SNX29: variants seen among roughly 807,000 people sequenced by gnomAD.
The protein encoded by SNX29 is sorting nexin-29.
Under a neutral mutation model 102.1 loss-of-function variants are expected in SNX29, and 78 were observed. The ratio of observed to expected loss-of-function variants is 0.76; its 90% confidence interval spans 0.64 to 0.92. The LOEUF is 0.92. SNX29 is among the 40% of genes least tolerant of loss of function. The pLI is 0.00. For synonymous variants in SNX29, 580 were observed against 414.5 expected, an observed-to-expected ratio of 1.40 and a Z score of -4.85; for missense variants, 1,280 against 1,061.7, an observed-to-expected ratio of 1.21 and a Z score of -2.86.
intron 18 of SNX29, among the ~76,000 whole-genome samples, chr16:12,438,887 C>T (rs1391405126): frequency 6.6e-6 from 1 of 152,184 alleles, no homozygotes; most frequent in African/African-American, 2.4e-5. Context: ...GTTGGAAGAA[C>T]TGGAAGATCT....
intron 3 of SNX29, among the ~76,000 whole-genome samples, chr16:12,024,686 G>C (rs1414062436): frequency 6.6e-6 from 1 of 152,176 alleles, no homozygotes; most frequent in Non-Finnish European, 1.5e-5. Flanking sequence ...TGTGCAGTTC[G>C]CCTGCATTCC....
intron 19 of SNX29, among the ~76,000 whole-genome samples, chr16:12,514,201 A>G (rs1204744839): frequency 1.3e-5 from 2 of 152,144 alleles, no homozygotes; most frequent in African/African-American, 4.8e-5. Flanking sequence ...GAAGACTCAG[A>G]GCTGTTTTCA....
intron 18 of SNX29, among the ~76,000 whole-genome samples, chr16:12,454,890 C>T (rs1397191096): frequency 6.6e-6 from 1 of 152,010 alleles, no homozygotes. Flanking sequence ...GGACTATAGG[C>T]ATGCACCACC....
chr16:12,325,062 A>G (rs899533003), intron 15 of SNX29, among the ~76,000 whole-genome samples: 1 of 152,162 alleles, frequency 6.6e-6, no homozygotes, highest in African/African-American at 2.4e-5. Flanking sequence ...ACAGAAAACA[A>G]TGTAACTGCC....
chr16:12,391,764 G>A (rs2083538477), intron 16 of SNX29, among the ~76,000 whole-genome samples: 1 of 152,110 alleles, frequency 6.6e-6, no homozygotes, highest in African/African-American at 2.4e-5. Flanking sequence ...GCCCCAGAAT[G>A]TCCCTTCATG....
At chr16:12,439,658 C>T (rs1353801401) in intron 18 of SNX29, among the ~76,000 whole-genome samples, 2 of 152,110 alleles carry the variant, frequency 1.3e-5, no homozygotes, top group East Asian at 1.9e-4. Flanking sequence ...CCACTGGGTC[C>T]CTCCCACAAC....
intron 20 of SNX29, among the ~76,000 whole-genome samples, chr16:12,555,340 A>C (rs78492402): frequency 0.012 from 1,833 of 151,906 alleles, 54 homozygotes; most frequent in South Asian, 0.11. Flanking sequence ...GGCACCTGAG[A>C]AACATGTTGG....
chr16:12,172,867 C>T (rs532034333), intron 13 of SNX29, among the ~76,000 whole-genome samples: 1 of 152,224 alleles, frequency 6.6e-6, no homozygotes, highest in East Asian at 1.9e-4. Flanking sequence ...GAAATACTTT[C>T]AGCTTTGTGG....
intron 20 of SNX29, among the ~76,000 whole-genome samples, chr16:12,565,849 G>C (rs75279114): frequency 6.6e-6 from 1 of 151,984 alleles, no homozygotes; most frequent in Non-Finnish European, 1.5e-5. Context: ...TGCCTCCTCC[G>C]GGAAGCCCTC....
chr16:12,540,318 A>C (rs1325692582), intron 20 of SNX29, among the ~76,000 whole-genome samples: 3 of 152,052 alleles, frequency 2.0e-5, no homozygotes, highest in Non-Finnish European at 2.9e-5. Context: ...CCCTCTTGGG[A>C]CCACAGCTCT....
intron 16 of SNX29, among the ~76,000 whole-genome samples, chr16:12,395,582 T>C (rs2083688718): frequency 6.6e-6 from 1 of 152,208 alleles, no homozygotes; most frequent in African/African-American, 2.4e-5. Context: ...AGCTGCCTTC[T>C]CTGCAGGGTC....
intron 19 of SNX29, among the ~76,000 whole-genome samples, chr16:12,494,906 T>A (rs1241396237): frequency 1.3e-5 from 2 of 152,190 alleles, no homozygotes; most frequent in Non-Finnish European, 2.9e-5. Context: ...TTAATAAGAA[T>A]GGTGGCTATT....
rs2052770587 is a variant in SNX29, at chr16:12,096,433, A to G, written c.1402+17518A>G. Among the ~76,000 whole-genome samples the G allele has an allele frequency of 6.6e-6, 1 of 152,182 alleles. No homozygotes were observed. Among genetic ancestry groups the G allele is most frequent in the South Asian group, 2.1e-4 (1 of 4,830 alleles). On this transcript the variant is annotated intron_variant, in intron 11 of 20. Coordinates refer to ENST00000566228, the MANE Select transcript of SNX29 (RefSeq NM_032167.5). This position sits in a 1 kb window ranked among gnomAD's most constrained non-coding sequence, Gnocchi z 4.2. The stretch of plus-strand genomic sequence containing the variant: ...GCACAAGCTCTGTGTCACATGTTAA[A>G]ATTTCCCCATCATTATAATGCAGAT...
chr16:12,090,804 C>T (rs796322540), intron 11 of SNX29, among the ~76,000 whole-genome samples: 4 of 152,048 alleles, frequency 2.6e-5, no homozygotes, highest in African/African-American at 9.6e-5. Flanking sequence ...CACCTGAGGC[C>T]AGGAGTTCAA....
chr16:12,069,368 C>T (rs2051186714), intron 10 of SNX29, among the ~76,000 whole-genome samples: 1 of 151,876 alleles, frequency 6.6e-6, no homozygotes, highest in Non-Finnish European at 1.5e-5. Context: ...CGAGATCAAG[C>T]GATTCTCTTG....
chr16:12,572,588 T>A lies in SNX29; in HGVS notation c.*3959T>A. ...GGAGGTCCAGCCATGTTCTCTGGGC[T>A]CCCAGTGAGCCCCCTCCCCTCCGGC... On this transcript the variant is annotated 3_prime_UTR_variant, in exon 21 of 21. Coordinates refer to ENST00000566228, the MANE Select transcript of SNX29 (RefSeq NM_032167.5). The A allele has an allele frequency of 9.4e-7, 1 of 1,064,054 alleles. No individual in the cohort carries two copies. The highest frequency in any genetic ancestry group is 5.0e-5 in the East Asian group (1 of 19,980). 65.9% of individuals were successfully genotyped at this position (1,064,054 alleles called of 1,614,324 possible). A position where few individuals can be genotyped will look rare whatever the true frequency, so the allele number is the denominator to read the frequency against.
Position 12,365,561 on chromosome 16 carries a change from G to A in SNX29, c.1899+9282G>A, listed in dbSNP as rs144493878. On this transcript the variant is annotated intron_variant, in intron 16 of 20. Transcript: ENST00000566228. ...AAAAATTAGCCATGCATGGTGGTGC[G>A]TGCCTGTAATCACGGCTGCTTGGGA... Among the ~76,000 whole-genome samples, 472 of 151,552 alleles carry A rather than the reference G, an allele frequency of 3.1e-3. 3 individuals are homozygous for A. Among genetic ancestry groups the A allele is most frequent in the African/African-American group, 0.011 (455 of 41,302 alleles).
In SNX29 at chr16:12,571,900, G is replaced by C. The variant is rs1338799370; in HGVS notation, c.*3271G>C. The C allele has an allele frequency of 9.4e-7, 1 of 1,061,906 alleles. No homozygotes were observed. The highest frequency in any genetic ancestry group is 5.1e-5 in the East Asian group (1 of 19,680). 65.8% of individuals were successfully genotyped at this position (1,061,906 alleles called of 1,614,324 possible). A position where few individuals can be genotyped will look rare whatever the true frequency, so the allele number is the denominator to read the frequency against. On this transcript the variant is annotated 3_prime_UTR_variant, in exon 21 of 21. Coordinates refer to ENST00000566228, the MANE Select transcript of SNX29 (RefSeq NM_032167.5). ...TTGGAGCTGAGGTTCAAAGCCCCCT[G>C]CATTTCTCTACTGGCAGGCCCTGGT...
At chr16:11,995,854 G>GT (rs1567506407) in intron 1 of SNX29, among the ~76,000 whole-genome samples, 1 of 151,980 alleles carries the variant, frequency 6.6e-6, no homozygotes, top group East Asian at 1.9e-4. Flanking sequence ...GAGGTCAGGA[G>GT]TTTAAGACCA....
Sources: gnomAD v4.1 joint callset for allele counts (sites outside exome capture counted in the v4.1 genomes callset) on GRCh38, gnomAD v4.1.1 for gene constraint, Gnocchi (gnomAD v3.1) non-coding constraint, MANE v1.5 for transcripts, NCBI Gene and HGNC (gene_info 2026-07-23, HGNC 2026-07-21) for gene names.